FGGY: variants seen among roughly 807,000 people sequenced by gnomAD.
FGGY encodes the protein FGGY carbohydrate kinase domain-containing protein.
Under a neutral mutation model 71.3 loss-of-function variants are expected in FGGY, and 72 were observed. The ratio of observed to expected loss-of-function variants is 1.01; its 90% CI spans 0.84 to 1.23. FGGY has a LOEUF of 1.23. FGGY is among the 50% of genes most tolerant of loss of function. The pLI is 0.00. For synonymous variants in FGGY, 251 were observed against 250.3 expected (o/e 1.00, Z -0.02); for missense variants, 668 against 682.3 (o/e 0.98, Z 0.23).
intron 4 of FGGY, among the ~76,000 whole-genome samples, chr1:59,348,871 T>C (rs1304997516): frequency 6.6e-6 from 1 of 152,186 alleles, no homozygotes; most frequent in Non-Finnish European, 1.5e-5. Flanking sequence ...TTTTCAAGAA[T>C]CTAATTCTGA....
At position 59,638,259 on chromosome 1, in the gene FGGY, C is replaced by T; in HGVS notation, c.1105C>T (p.His369Tyr). 6.2e-7 allele frequency: 1 copy of T among 1,614,114 alleles called. No homozygotes were observed. The highest frequency in any genetic ancestry group is 1.1e-5 in the South Asian group (1 of 91,074). Residue 369 changes from histidine (H) to tyrosine (Y), a missense_variant, in exon 11 of 16, where the codon CAC (histidine) becomes TAC (tyrosine). Physicochemically the swap from His to Tyr is moderately conservative, Grantham distance 83. Coordinates refer to ENST00000303721, the MANE Select transcript of FGGY (RefSeq NM_018291.5). ...CQSIYAYLNS[H>Y]LDLIKKAQPV... ...GAGTATATATGCATATTTGAACAGTCACCTGGATCTGATTAAGAAGGCTCA... is the reference window on the plus strand; with the variant it reads ...GAGTATATATGCATATTTGAACAGTTACCTGGATCTGATTAAGAAGGCTCA...
chr1:59,326,310 A>G (rs2047422538), intron 2 of FGGY, among the ~76,000 whole-genome samples: 1 of 152,240 alleles, frequency 6.6e-6, no homozygotes, highest in South Asian at 2.1e-4. Context: ...AAGCCAGTAA[A>G]GTACCATTTT....
intron 13 of FGGY, among the ~76,000 whole-genome samples, chr1:59,671,246 G>A (rs576205778): frequency 1.3e-5 from 2 of 152,314 alleles, no homozygotes; most frequent in East Asian, 3.9e-4. Flanking sequence ...GTCCAGGCAG[G>A]GAACAGATAC....
At chr1:59,455,816 A>G (rs1053391012) in intron 5 of FGGY, among the ~76,000 whole-genome samples, 5 of 152,356 alleles carry the variant, frequency 3.3e-5, no homozygotes, top group Admixed American at 3.3e-4. Flanking sequence ...TTGAATTATC[A>G]TGGTGAAGAA....
intron 11 of FGGY, among the ~76,000 whole-genome samples, chr1:59,655,160 C>G (rs896335508): frequency 3.3e-5 from 5 of 152,182 alleles, no homozygotes; most frequent in African/African-American, 9.7e-5. Context: ...AGATACGTTA[C>G]TCCCATATCC....
intron 1 of FGGY, among the ~76,000 whole-genome samples, chr1:59,320,756 A>G (rs2046245808): frequency 1.3e-5 from 2 of 152,250 alleles, no homozygotes; most frequent in Non-Finnish European, 2.9e-5. Flanking sequence ...AAACCTATAC[A>G]GAAAGCTTTT....
chr1:59,640,321 A>C, intron 11 of FGGY, among the ~76,000 whole-genome samples: 1 of 152,238 alleles, frequency 6.6e-6, no homozygotes, highest in Non-Finnish European at 1.5e-5. Context: ...CCAGTTTTGG[A>C]AAACATCAAA....
intron 14 of FGGY, among the ~76,000 whole-genome samples, chr1:59,685,003 A>G (rs752594077): frequency 2.6e-5 from 4 of 152,188 alleles, no homozygotes; most frequent in Non-Finnish European, 5.9e-5. Context: ...TAAGCAAGAA[A>G]TTGAGGCACC....
At chr1:59,362,687 T>C (rs1471330026) in intron 4 of FGGY, among the ~76,000 whole-genome samples, 1 of 152,202 alleles carries the variant, frequency 6.6e-6, no homozygotes, top group Non-Finnish European at 1.5e-5. Context: ...CCCCCTTACT[T>C]ACCTCCTTCC....
intron 8 of FGGY, among the ~76,000 whole-genome samples, chr1:59,563,869 G>T (rs1295711599): frequency 6.6e-6 from 1 of 152,108 alleles, no homozygotes; most frequent in Non-Finnish European, 1.5e-5. Context: ...CAGAAGAGAG[G>T]CCTCAGAAAT....
intron 6 of FGGY, among the ~76,000 whole-genome samples, chr1:59,473,220 G>A (rs2093069969): frequency 6.6e-6 from 1 of 151,836 alleles, no homozygotes; most frequent in South Asian, 2.1e-4. Context: ...CTTCACTCCT[G>A]AAGCCAGCGA....
At chr1:59,468,518 A>G (rs992984153) in intron 6 of FGGY, among the ~76,000 whole-genome samples, 2 of 152,178 alleles carry the variant, frequency 1.3e-5, no homozygotes, top group Non-Finnish European at 2.9e-5. Flanking sequence ...AGTAAAATAA[A>G]CTGAACATTA....
chr1:59,544,684 C>T (rs1376364635), intron 7 of FGGY, among the ~76,000 whole-genome samples: 1 of 152,122 alleles, frequency 6.6e-6, no homozygotes, highest in Non-Finnish European at 1.5e-5. Context: ...CCATTATTTC[C>T]ACCTTACAAG....
chr1:59,654,458 A>G (rs1156818025), intron 11 of FGGY, among the ~76,000 whole-genome samples: 2 of 152,228 alleles, frequency 1.3e-5, no homozygotes, highest in African/African-American at 2.4e-5. Context: ...TCTGATGACC[A>G]TAGAAAAATC....
intron 5 of FGGY, among the ~76,000 whole-genome samples, chr1:59,437,278 CAG>C (rs2068674262): frequency 6.6e-6 from 1 of 152,180 alleles, no homozygotes; most frequent in Non-Finnish European, 1.5e-5. Context: ...CAGTTGTAGA[CAG>C]AGTCAACCAG....
chr1:59,356,277 A>C (rs1451926176), intron 4 of FGGY, among the ~76,000 whole-genome samples: 1 of 152,200 alleles, frequency 6.6e-6, no homozygotes, highest in African/African-American at 2.4e-5. Context: ...GGCATTCCAG[A>C]TGGCGAATTT....
intron 6 of FGGY, among the ~76,000 whole-genome samples, chr1:59,465,683 A>G (rs766554292): frequency 8.5e-5 from 13 of 152,198 alleles, no homozygotes; most frequent in Admixed American, 3.3e-4. Flanking sequence ...TCAATGTGCA[A>G]AAATCACAAG....
At chr1:59,305,368 A>G (rs1557486805) in intron 1 of FGGY, among the ~76,000 whole-genome samples, 1 of 152,082 alleles carries the variant, frequency 6.6e-6, no homozygotes, top group Non-Finnish European at 1.5e-5. Context: ...ATTGATTTGC[A>G]TATGTTGAAC....
At chr1:59,670,156 A>G (rs982135877) in intron 13 of FGGY, among the ~76,000 whole-genome samples, 1 of 152,226 alleles carries the variant, frequency 6.6e-6, no homozygotes, top group Non-Finnish European at 1.5e-5. Context: ...CTGCCTTTGA[A>G]TGCTTTGGGT....
Sources: allele counts gnomAD v4.1 joint callset (sites outside exome capture counted in the v4.1 genomes callset), GRCh38; gene constraint gnomAD v4.1.1; transcripts MANE v1.5; gene names NCBI Gene and HGNC (gene_info 2026-07-23, HGNC 2026-07-21).